Variants in NTN1 observed in about 807,000 individuals in gnomAD.
NTN1 encodes the protein netrin-1.
A neutral mutation model predicts 54.2 loss-of-function variants in NTN1; 11 were observed. The ratio of observed to expected loss-of-function variants is 0.20; its 90% CI spans 0.13 to 0.34. The LOEUF is 0.34. Ranked by LOEUF, NTN1 falls within the 10% of genes least tolerant of loss-of-function variation. The pLI is 1.00. For synonymous variants in NTN1, 371 were observed against 382.0 expected (o/e 0.97, Z 0.33); for missense variants, 740 against 893.1 (o/e 0.83, Z 2.18).
chr17:9,131,544 G>A (rs981998986), intron 2 of NTN1, among the ~76,000 whole-genome samples: 1 of 149,982 alleles, frequency 6.7e-6, no homozygotes, highest in Non-Finnish European at 1.5e-5. Flanking sequence ...GGCTGTGCTC[G>A]GTTTGTCTGT....
At chr17:9,157,930 G>A (rs959298979) in intron 2 of NTN1, among the ~76,000 whole-genome samples, 17 of 152,164 alleles carry the variant, frequency 1.1e-4, no homozygotes, top group East Asian at 7.7e-4. Context: ...ACAGGAAGGC[G>A]CAAAGGATTA....
At chr17:9,177,702 C>G (rs1200738421) in intron 3 of NTN1, 1 of 152,266 alleles carries the variant, frequency 6.6e-6, no homozygotes, top group African/African-American at 2.4e-5. Context: ...TGCTCCATCT[C>G]CCTTCCTACC....
chr17:9,006,120 A>G, the NTN1 span, among the ~76,000 whole-genome samples: 1 of 141,934 alleles, frequency 7.0e-6, no homozygotes, highest in Non-Finnish European at 1.5e-5. Flanking sequence ...GGGCAAAGAG[A>G]AGGCCTGGAA....
chr17:9,070,044 C>T (rs1243301547), intron 2 of NTN1, among the ~76,000 whole-genome samples: 2 of 152,114 alleles, frequency 1.3e-5, no homozygotes, highest in Non-Finnish European at 2.9e-5. Context: ...CACATACCCG[C>T]CTTCTTCTTC....
intron 2 of NTN1, among the ~76,000 whole-genome samples, chr17:9,060,211 C>T (rs545010924): frequency 3.3e-5 from 5 of 152,154 alleles, no homozygotes; most frequent in Non-Finnish European, 7.4e-5. Flanking sequence ...CAGCCTACTC[C>T]GTGTGAAGAT....
At position 9,107,411 on chromosome 17, in the gene NTN1, CAT is replaced by C. The variant is rs1217459536; in HGVS notation, c.1019-55401_1019-55400del. Among the ~76,000 whole-genome samples the C allele has an allele frequency of 6.6e-5, 10 of 152,316 alleles. 1 individual carries two copies. The highest frequency in any genetic ancestry group is 6.8e-3 in the Middle Eastern group (2 of 292). On this transcript the variant is annotated intron_variant, in intron 2 of 6. Transcript: ENST00000173229. ...ATGCTGTTGCAAAAAATGTGAAAGA[CAT>C]GTGGGCACTTACTCCCCGGTTATGA...
At chr17:9,106,762 G>A (rs1299859492) in intron 2 of NTN1, among the ~76,000 whole-genome samples, 3 of 151,990 alleles carry the variant, frequency 2.0e-5, no homozygotes, top group South Asian at 2.1e-4. Flanking sequence ...TGATCCACCC[G>A]CCTTGGCCTC....
intron 2 of NTN1, among the ~76,000 whole-genome samples, chr17:9,078,208 C>T (rs1446399801): frequency 1.3e-5 from 2 of 152,206 alleles, no homozygotes; most frequent in Admixed American, 1.3e-4. Context: ...GAGGCTCTCA[C>T]AGTCCAGTCT....
intron 5 of NTN1, among the ~76,000 whole-genome samples, chr17:9,189,185 C>G (rs1362268397): frequency 1.3e-5 from 2 of 152,148 alleles, no homozygotes; most frequent in African/African-American, 4.8e-5. Context: ...ACCCATGGAG[C>G]TAGGTACTGT....
At chr17:9,171,155 CACAG>C (rs2092386237) in intron 3 of NTN1, 1 of 152,226 alleles carries the variant, frequency 6.6e-6, no homozygotes, top group East Asian at 1.9e-4. Flanking sequence ...AGGAGGTTGA[CACAG>C]ACAGCTGAAA....
At chr17:9,161,319 A>T (rs1032852191) in intron 2 of NTN1, among the ~76,000 whole-genome samples, 8 of 152,198 alleles carry the variant, frequency 5.3e-5, no homozygotes, top group Non-Finnish European at 8.8e-5. Context: ...GGGGCAGGCG[A>T]GGGGTCCTTG....
intron 5 of NTN1, among the ~76,000 whole-genome samples, chr17:9,214,033 T>G (rs1905165933): frequency 6.6e-6 from 1 of 152,126 alleles, no homozygotes; most frequent in African/African-American, 2.4e-5. Context: ...AGTTTGTATT[T>G]GGGCTTTTCA....
chr17:9,137,475 G>C (rs528982939), intron 2 of NTN1, among the ~76,000 whole-genome samples: 2 of 152,174 alleles, frequency 1.3e-5, no homozygotes, highest in Non-Finnish European at 2.9e-5. Context: ...ATCCGTGGAG[G>C]GGGGCATGTG....
chr17:9,103,192 G>A (rs1384741192), intron 2 of NTN1, among the ~76,000 whole-genome samples: 5 of 152,192 alleles, frequency 3.3e-5, no homozygotes, highest in African/African-American at 9.6e-5. Context: ...TTGAAAGCAC[G>A]GACTGGAACA....
At chr17:9,190,104 G>T (rs894337029) in intron 5 of NTN1, among the ~76,000 whole-genome samples, 3 of 152,194 alleles carry the variant, frequency 2.0e-5, no homozygotes, top group African/African-American at 7.2e-5. Context: ...CCTGTAGTAA[G>T]TACTCAGTGA....
chr17:9,122,001 C>T (rs1401340787), intron 2 of NTN1, among the ~76,000 whole-genome samples: 2 of 151,678 alleles, frequency 1.3e-5, no homozygotes, highest in African/African-American at 2.4e-5. Flanking sequence ...TTTCTCTGTA[C>T]GCATTTGGGG....
chr17:9,106,049 G>A (rs1310140665), intron 2 of NTN1, among the ~76,000 whole-genome samples: 1 of 152,156 alleles, frequency 6.6e-6, no homozygotes, highest in African/African-American at 2.4e-5. Context: ...TATTAGTGAT[G>A]CAAACTCCTG....
intron 2 of NTN1, among the ~76,000 whole-genome samples, chr17:9,123,922 C>T (rs943155047): frequency 1.3e-5 from 2 of 152,110 alleles, no homozygotes; most frequent in Admixed American, 6.6e-5. Flanking sequence ...TTGAAAACAC[C>T]GGGAGCGCTT....
At chr17:9,234,789 C>T (rs1294106112) in intron 6 of NTN1, among the ~76,000 whole-genome samples, 2 of 152,180 alleles carry the variant, frequency 1.3e-5, no homozygotes, top group African/African-American at 2.4e-5. Context: ...CAGCAGCAGG[C>T]GGAGGCCAGG....
Sources: allele counts gnomAD v4.1 joint callset (sites outside exome capture counted in the v4.1 genomes callset), GRCh38; gene constraint gnomAD v4.1.1; transcripts MANE v1.5; gene names NCBI Gene and HGNC (gene_info 2026-07-23, HGNC 2026-07-21).